The following NMNAT2 variants were observed in gnomAD, a reference collection of about 807,000 sequenced individuals.
NMNAT2 encodes the protein nicotinamide/nicotinic acid mononucleotide adenylyltransferase 2.
NMNAT2 carries 11 observed loss-of-function variants against 41.6 expected under a neutral mutation model. The observed-to-expected ratio is 0.26, with a 90% CI of 0.17 to 0.44. NMNAT2 has a LOEUF of 0.44. NMNAT2 is among the 20% of genes least tolerant of loss of function. The pLI is 1.00. For synonymous variants in NMNAT2, 148 were observed against 151.2 expected, an observed-to-expected ratio of 0.98 and a Z score of 0.16; for missense variants, 288 against 407.7, an observed-to-expected ratio of 0.71 and a Z score of 2.53.
intron 1 of NMNAT2, among the ~76,000 whole-genome samples, chr1:183,404,333 A>G (rs2101928311): frequency 6.6e-6 from 1 of 152,238 alleles, no homozygotes. Context: ...CAGGTGATCC[A>G]CCTGCGTTGG....
intron 1 of NMNAT2, among the ~76,000 whole-genome samples, chr1:183,294,144 T>A (rs1661618395): frequency 6.6e-6 from 1 of 152,126 alleles, no homozygotes; most frequent in African/African-American, 2.4e-5. Context: ...GCAGGAGTTA[T>A]AATGTGGAGG....
chr1:183,315,203 C>T (rs1391515952), intron 1 of NMNAT2, among the ~76,000 whole-genome samples: 2 of 152,168 alleles, frequency 1.3e-5, no homozygotes, highest in African/African-American at 2.4e-5. Context: ...GCTGTGATGG[C>T]TGTCGATAGC....
intron 1 of NMNAT2, among the ~76,000 whole-genome samples, chr1:183,366,120 G>C (rs1663405175): frequency 1.3e-5 from 2 of 152,140 alleles, no homozygotes; most frequent in African/African-American, 4.8e-5. Context: ...CCCAAGAAAT[G>C]GCTCCCAATC....
At chr1:183,328,231 T>G (rs1662510296) in intron 1 of NMNAT2, among the ~76,000 whole-genome samples, 1 of 152,080 alleles carries the variant, frequency 6.6e-6, no homozygotes, top group Non-Finnish European at 1.5e-5. Context: ...CCTGGCTTCC[T>G]GGCTCCCTGG....
At chr1:183,364,246 G>A (rs545500537) in intron 1 of NMNAT2, among the ~76,000 whole-genome samples, 1 of 152,304 alleles carries the variant, frequency 6.6e-6, no homozygotes, top group African/African-American at 2.4e-5. Context: ...TAATGCATTG[G>A]GTAAGATGGG....
chr1:183,371,124 G>A (rs1663531011), intron 1 of NMNAT2, among the ~76,000 whole-genome samples: 1 of 152,210 alleles, frequency 6.6e-6, no homozygotes, highest in Non-Finnish European at 1.5e-5. Flanking sequence ...GACTGATTTT[G>A]ATTGATACTT....
chr1:183,298,868 A>G (rs1661774174), intron 1 of NMNAT2, among the ~76,000 whole-genome samples: 2 of 152,228 alleles, frequency 1.3e-5, no homozygotes. Context: ...AATTTAATGT[A>G]TTTCTTGTCA....
intron 1 of NMNAT2, among the ~76,000 whole-genome samples, chr1:183,356,713 G>T (rs1015400876): frequency 6.6e-6 from 1 of 152,208 alleles, no homozygotes; most frequent in Non-Finnish European, 1.5e-5. Context: ...TAACTAACAA[G>T]GAGATGAGAA....
At chr1:183,344,821 A>G (rs1662890819) in intron 1 of NMNAT2, among the ~76,000 whole-genome samples, 1 of 152,218 alleles carries the variant, frequency 6.6e-6, no homozygotes, top group African/African-American at 2.4e-5. Flanking sequence ...CCAGAAGCTG[A>G]GAAAGGTAGA....
intron 1 of NMNAT2, among the ~76,000 whole-genome samples, chr1:183,415,823 AT>A (rs1649236283): frequency 6.6e-6 from 1 of 152,204 alleles, no homozygotes; most frequent in African/African-American, 2.4e-5. Context: ...TTGAATGTGT[AT>A]TTTGTGTTCT....
At chr1:183,305,613 G>C (rs1280238307) in intron 1 of NMNAT2, among the ~76,000 whole-genome samples, 1 of 152,012 alleles carries the variant, frequency 6.6e-6, no homozygotes, top group South Asian at 2.1e-4. Flanking sequence ...TCCTTTTTGC[G>C]AAGGTGTGGC....
At chr1:183,293,544 G>A (rs376119636) in intron 2 of NMNAT2, among the ~76,000 whole-genome samples, 161 bp downstream of exon 2, 1 of 152,358 alleles carries the variant, frequency 6.6e-6, no homozygotes, top group African/African-American at 2.4e-5. Context: ...TCCGACTGTG[G>A]TCCTGAGATG....
intron 1 of NMNAT2, among the ~76,000 whole-genome samples, chr1:183,408,535 T>C (rs1341303324): frequency 6.6e-6 from 1 of 152,158 alleles, no homozygotes; most frequent in Admixed American, 6.6e-5. Flanking sequence ...GTTATGTCAA[T>C]CACCTTATTT....
chr1:183,281,849 G>T (rs1475811827), intron 7 of NMNAT2, among the ~76,000 whole-genome samples: 2 of 152,206 alleles, frequency 1.3e-5, no homozygotes, highest in East Asian at 3.8e-4. Flanking sequence ...ATTAAAAAAG[G>T]GGACACGTGA....
At chr1:183,332,156 G>A (rs1662600066) in intron 1 of NMNAT2, among the ~76,000 whole-genome samples, 1 of 152,152 alleles carries the variant, frequency 6.6e-6, no homozygotes, top group Non-Finnish European at 1.5e-5. Flanking sequence ...AAAGCACTAT[G>A]CATACCTCCC....
At chr1:183,255,050 A>T (rs80087370) in intron 10 of NMNAT2, among the ~76,000 whole-genome samples, 2,074 of 152,288 alleles carry the variant, frequency 0.014, 19 homozygotes, top group Non-Finnish European at 0.021. Context: ...ACTGTTTCAG[A>T]TCTTACACTT....
At chr1:183,254,883 G>C (rs1660478588) in intron 10 of NMNAT2, among the ~76,000 whole-genome samples, 1 of 152,034 alleles carries the variant, frequency 6.6e-6, no homozygotes, top group African/African-American at 2.4e-5. Flanking sequence ...TCATTTTGTT[G>C]GTTGTTTCCT....
chr1:183,295,066 C>T lies in NMNAT2; in HGVS notation c.86-1273G>A, dbSNP rs962847448. Among the ~76,000 whole-genome samples the T allele has an allele frequency of 3.9e-5, 6 of 152,288 alleles. No individual in the cohort carries two copies. The East Asian group carries it at 5.8e-4, about 15-fold the overall frequency. ...TCACTTAGGCTGCAGTGCAGTGGTGCGATCTTGGCTCACTGCCACCTCTAC... is the reference window on the plus strand; with the variant it reads ...TCACTTAGGCTGCAGTGCAGTGGTGTGATCTTGGCTCACTGCCACCTCTAC... On this transcript the variant is annotated intron_variant, in intron 1 of 10. Coordinates refer to ENST00000287713, the MANE Select transcript of NMNAT2 (RefSeq NM_015039.4).
At chr1:183,367,591 G>A (rs1185058920) in intron 1 of NMNAT2, among the ~76,000 whole-genome samples, 4 of 152,200 alleles carry the variant, frequency 2.6e-5, no homozygotes, top group Non-Finnish European at 2.9e-5. Flanking sequence ...CAAGATGAGA[G>A]ATATTCCAAA....
Sources: gnomAD v4.1 joint callset for allele counts (sites outside exome capture counted in the v4.1 genomes callset) on GRCh38, gnomAD v4.1.1 for gene constraint, MANE v1.5 for transcripts, NCBI Gene and HGNC (gene_info 2026-07-23, HGNC 2026-07-21) for gene names.